Variants in SUN1 observed in about 807,000 individuals in gnomAD.
SUN1 encodes the protein Sad1 and UNC84 domain containing 1, also known as SUN domain-containing protein 1.
Under a neutral mutation model 103.2 loss-of-function variants are expected in SUN1, and 61 were observed. The observed-to-expected ratio is 0.59, with a 90% CI of 0.48 to 0.73. The LOEUF (loss-of-function observed/expected upper bound fraction) is 0.73. SUN1 is among the 30% of genes least tolerant of loss of function. The pLI, the probability that SUN1 is intolerant of heterozygous loss-of-function variation, is 0.00. For missense variants in SUN1, 1,052 were observed against 1,034.6 expected, an observed-to-expected ratio of 1.02 and a Z score of -0.23; for synonymous variants, 490 against 425.7, an observed-to-expected ratio of 1.15 and a Z score of -1.86.
In SUN1 at chr7:843,398, C is replaced by T. The variant is rs368473097; in HGVS notation, c.536C>T (p.Ala179Val). The change falls in exon 5 of 19, where the codon GCG becomes GTG. Residue 179 changes from alanine (A) to valine (V), a missense_variant. Ala to Val is a moderately conservative substitution (Grantham distance 64). This residue lies in a region of SUN1 where 846 missense variants were observed against 774.5 expected (regional missense o/e 1.09). Coordinates refer to ENST00000401592, the MANE Select transcript of SUN1 (RefSeq NM_001130965.3). ...GATGTGGGAGCCGCCGCCGCCACCG[C>T]GCACAACGGCTTCTCCTGCAGCAAC... ...NGDVGAAAAT[A>V]HNGFSCSNCS... 1.1e-5 allele frequency: 18 copies of T among 1,612,796 alleles called. No individual in the cohort carries two copies. The highest frequency in any genetic ancestry group is 4.5e-5 in the East Asian group (2 of 44,872).
intron 1 of SUN1, chr7:816,899 C>G (rs1781027403): frequency 6.6e-6 from 1 of 151,384 alleles, no homozygotes; most frequent in African/African-American, 2.4e-5. Flanking sequence ...CCCTGGCGGT[C>G]GTGGCGCAGG....
intron 12 of SUN1, 51 bp from the exon 13 acceptor site, chr7:857,777 C>A: frequency 6.7e-7 from 1 of 1,491,664 alleles, no homozygotes; most frequent in Non-Finnish European, 9.0e-7. Context: ...GTGTGGGAAG[C>A]GTATAGGCTG....
intron 15 of SUN1, among the ~76,000 whole-genome samples, chr7:863,102 A>C (rs1048693123): frequency 3.3e-5 from 5 of 152,212 alleles, no homozygotes; most frequent in Admixed American, 1.3e-4. Flanking sequence ...AGATCGTGCC[A>C]CTGCACTCCA....
rs1562453993 is a variant in SUN1, at chr7:818,270, T to C, written c.-74+1597T>C. ...GAATTGGGCTGTTCTGGACATTTCA[T>C]GTAAATGGAATCATACAATATGCAG... On this transcript the variant is annotated intron_variant, in intron 1 of 17. Coordinates refer to the SUN1 transcript ENST00000389574. Among the ~76,000 whole-genome samples the C allele has an allele frequency of 2.0e-5, 3 of 152,382 alleles. No homozygotes were observed. The South Asian group carries it at 6.2e-4, about 32-fold the overall frequency.
intron 16 of SUN1, among the ~76,000 whole-genome samples, chr7:868,213 G>A (rs566232134): frequency 1.4e-4 from 22 of 152,370 alleles, no homozygotes; most frequent in African/African-American, 4.1e-4. Context: ...CTCCTCCTCC[G>A]TTGCGCACAG....
intron 5 of SUN1, among the ~76,000 whole-genome samples, chr7:847,396 G>A (rs143923371): frequency 0.1 from 14,868 of 145,372 alleles, 1,082 homozygotes; most frequent in South Asian, 0.21. Context: ...TCCAGTCTCC[G>A]GGATCCCCTG....
rs1842995202 is a variant in SUN1, at chr7:873,445, A to G, written c.*114A>G. ...GATGGGACAGTGCCACACTCCTTCA[A>G]TAAACGTGGCTGCTGGCCAGAGGAC... On this transcript the variant is annotated 3_prime_UTR_variant, in exon 19 of 19. Transcript: ENST00000401592. The G allele has an allele frequency of 5.7e-6, 6 of 1,054,910 alleles. No individual in the cohort carries two copies. Among genetic ancestry groups the G allele is most frequent in the Admixed American group, 2.1e-5 (1 of 48,442 alleles). The allele number at this position is 1,054,910 out of a possible 1,614,324, so 65.3% of individuals were successfully genotyped here.
intron 1 of SUN1, among the ~76,000 whole-genome samples, chr7:834,786 C>CT (rs1304275945): frequency 6.6e-6 from 1 of 151,990 alleles, no homozygotes; most frequent in East Asian, 1.9e-4. Flanking sequence ...TTTTTTTTCT[C>CT]TTTTGGGGGC....
intron 17 of SUN1, 54 bp from the exon 18 acceptor site, chr7:872,416 C>T (rs764253500): frequency 1.4e-5 from 21 of 1,461,512 alleles, no homozygotes; most frequent in Non-Finnish European, 1.9e-5. Context: ...ACGGTCCTCT[C>T]TGCTCAGTGT....
At chr7:847,420 A>T (rs1291229965) in intron 5 of SUN1, among the ~76,000 whole-genome samples, 5 of 146,952 alleles carry the variant, frequency 3.4e-5, no homozygotes, top group African/African-American at 1.3e-4. Context: ...GTTACCCCGC[A>T]GCACCCTCTC....
At chr7:862,772 G>A (rs1017480014) in intron 15 of SUN1, among the ~76,000 whole-genome samples, 1 of 152,192 alleles carries the variant, frequency 6.6e-6, no homozygotes, top group Non-Finnish European at 1.5e-5. Context: ...TTGACACTTT[G>A]TGAGTTAGTT....
At chr7:839,230 C>G (rs546974131) in intron 2 of SUN1, 2 of 420,258 alleles carry the variant, frequency 4.8e-6, no homozygotes, top group Non-Finnish European at 8.3e-6. Flanking sequence ...GTTTCAAGTT[C>G]TCTTCGCTGG....
chr7:848,901 C>T (rs1190538915), intron 5 of SUN1, among the ~76,000 whole-genome samples: 1 of 152,144 alleles, frequency 6.6e-6, no homozygotes, highest in Non-Finnish European at 1.5e-5. Context: ...TTTTTATTAC[C>T]TTTTTAAAGC....
rs1221125460 is a variant in SUN1 at position 853,505 on chromosome 7, C to T, written c.1150C>T (p.Arg384Ter). Reference protein sequence around the residue: ...GQCHHHGENLRELTTLLQKLQ... With the variant: ...GQCHHHGENL ...GTGCCACCACCATGGTGAGAATCTC[C>T]GAGAGCTGACCACTTTGCTACAGAA... Residue 384 changes from arginine (R) to a stop codon, truncating the protein, a stop_gained, in exon 10 of 19, where the codon CGA (arginine) becomes TGA (stop). Transcript: ENST00000401592. LOFTEE classifies it high-confidence loss of function. 1.2e-6 allele frequency: 2 copies of T among 1,613,936 alleles called. No homozygotes were observed. Among genetic ancestry groups the T allele is most frequent in the Non-Finnish European group, 8.5e-7 (1 of 1,180,036 alleles).
At chr7:851,096 G>A (rs1051728605) in intron 5 of SUN1, 7 of 232,412 alleles carry the variant, frequency 3.0e-5, no homozygotes, top group East Asian at 1.8e-4. Context: ...TCCAACCTCC[G>A]CCCCCTGGGG....
At position 850,227 on chromosome 7, in the gene SUN1, C is replaced by T. The variant is rs1820581094; in HGVS notation, c.659-1157C>T. 24 of 587,068 alleles carry T rather than the reference C, an allele frequency of 4.1e-5. No individual in the cohort carries two copies. In the South Asian group the frequency reaches 4.6e-4, roughly 11 times the overall value. The allele number at this position is 587,068 out of a possible 1,614,324, so 36.4% of individuals were successfully genotyped here. ...TGTAAATATTTTTTGGAAGCGGAGT[C>T]TCACTCTGTTGCCCAGGCTGGAGTG... On this transcript the variant is annotated intron_variant, in intron 5 of 18. Transcript: ENST00000401592.
intron 7 of SUN1, 184 bp downstream of exon 7, chr7:852,227 A>G: frequency 3.1e-6 from 2 of 652,108 alleles, no homozygotes; most frequent in East Asian, 2.8e-5. Context: ...AGAAAAGCAG[A>G]TATCATTAAG....
rs77349216 is a variant in SUN1 at position 821,031 on chromosome 7, C to T, written c.-74+4358C>T. Among the ~76,000 whole-genome samples, 1,165 of 152,168 alleles carry T rather than the reference C, an allele frequency of 7.7e-3. 52 individuals carry two copies. In the East Asian group the frequency reaches 0.14, roughly 18 times the overall value. ...GTTTTTATTCATCTATCTAGCTCCCCAAAATGTATTGCTATTTTCTTTTCT... is the reference window on the plus strand; with the variant it reads ...GTTTTTATTCATCTATCTAGCTCCCTAAAATGTATTGCTATTTTCTTTTCT... On this transcript the variant is annotated intron_variant, in intron 1 of 17. Coordinates refer to the SUN1 transcript ENST00000389574.
At chr7:826,290 C>CTGTTTGA (rs1346325129) in intron 1 of SUN1, among the ~76,000 whole-genome samples, 2 of 14,908 alleles carry the variant, frequency 1.3e-4, no homozygotes, top group African/African-American at 4.4e-4. Context: ...AGGCTAGCTG[C>CTGTTTGA]CGTTTGACAA....
Sources: gnomAD v4.1 joint callset for allele counts (sites outside exome capture counted in the v4.1 genomes callset) on GRCh38, gnomAD v4.1.1 for gene constraint, gnomAD v4.1.1 regional missense constraint, MANE v1.5 for transcripts, NCBI Gene and HGNC (gene_info 2026-07-23, HGNC 2026-07-21) for gene names.